The following PCDHGA2 variants were observed in gnomAD, a reference collection of about 807,000 sequenced individuals.
PCDHGA2 encodes protocadherin gamma subfamily A, 2, also known as protocadherin gamma-A2.
PCDHGA2 carries 40 observed loss-of-function variants against 59.2 expected under a neutral mutation model. The observed-to-expected ratio is 0.68, with a 90% CI of 0.52 to 0.88. The LOEUF (loss-of-function observed/expected upper bound fraction) is 0.88, where lower values mean the gene tolerates loss of function less well. PCDHGA2 is among the 40% of genes least tolerant of loss of function. The pLI, the probability that PCDHGA2 is intolerant of heterozygous loss-of-function variation, is 0.00. For missense variants in PCDHGA2, 1,226 were observed against 1,204.0 expected, an observed-to-expected ratio of 1.02 and a Z score of -0.27; for synonymous variants, 560 against 526.0, an observed-to-expected ratio of 1.06 and a Z score of -0.89.
chr5:141,392,463 AT>A (rs770659302), intron 1 of PCDHGA2: 30 of 173,504 alleles, frequency 1.7e-4, no homozygotes, highest in Non-Finnish European at 2.8e-4. Context: ...TTACGGATAA[AT>A]CAAATAAATT....
At chr5:141,372,062 C>G (rs1768364404) in intron 1 of PCDHGA2, 2 of 1,613,470 alleles carry the variant, frequency 1.2e-6, no homozygotes, top group South Asian at 2.2e-5. Flanking sequence ...ACGACCGCAA[C>G]GACAATGCAC....
chr5:141,510,916 G>C (rs1044988697), intron 3 of PCDHGA2, 31 bp from the exon 4 acceptor site: 2 of 1,613,714 alleles, frequency 1.2e-6, no homozygotes, highest in African/African-American at 1.3e-5. Flanking sequence ...CCTAAGTTTA[G>C]CTCCCACCTG....
chr5:141,437,756 T>A (rs1208576922), intron 1 of PCDHGA2, among the ~76,000 whole-genome samples: 1 of 151,718 alleles, frequency 6.6e-6, no homozygotes, highest in Non-Finnish European at 1.5e-5. Flanking sequence ...TTTTTTTTTT[T>A]GAGACAGAGT....
chr5:141,451,330 T>C (rs1335156581), intron 1 of PCDHGA2, among the ~76,000 whole-genome samples: 2 of 152,200 alleles, frequency 1.3e-5, no homozygotes, highest in East Asian at 1.9e-4. Context: ...CCTAAGGCTA[T>C]TGTCTTATCT....
At chr5:141,405,118 G>C (rs368800698) in intron 1 of PCDHGA2, 2 of 1,613,946 alleles carry the variant, frequency 1.2e-6, no homozygotes, top group Non-Finnish European at 8.5e-7. Flanking sequence ...GGCACTCCTC[G>C]CATCTGCTGC....
intron 1 of PCDHGA2, chr5:141,346,450 T>C (rs1757753782): frequency 6.2e-7 from 1 of 1,614,246 alleles, no homozygotes; most frequent in Admixed American, 1.7e-5. Context: ...GATTCCAACC[T>C]ACTTCAGGTG....
At position 141,340,229 on chromosome 5, in the gene PCDHGA2, A is replaced by C. The variant is rs139578724; in HGVS notation, c.1258A>C (p.Ile420Leu). ...LDREQFSFYN[I>L]TLTAKDGGNP... The stretch of plus-strand genomic sequence containing the variant: ...CAGGGAACAGTTTTCCTTTTACAAC[A>C]TCACTCTAACCGCTAAAGATGGAGG... Residue 420 changes from isoleucine (I) to leucine (L), a missense_variant, in exon 1 of 4, where the codon ATC becomes CTC. Coordinates refer to ENST00000394576, the MANE Select transcript of PCDHGA2 (RefSeq NM_018915.4). 1.9e-6 allele frequency: 3 copies of C among 1,614,162 alleles called. No individual in the cohort carries two copies. The highest frequency in any genetic ancestry group is 2.5e-6 in the Non-Finnish European group (3 of 1,180,018).
chr5:141,394,410 A>G, intron 1 of PCDHGA2: 1 of 1,614,210 alleles, frequency 6.2e-7, no homozygotes, highest in Non-Finnish European at 8.5e-7. Context: ...GCTACTGGTA[A>G]CAGCCAGCGA....
At chr5:141,375,564 A>G (rs1771592295) in intron 1 of PCDHGA2, 3 of 1,613,974 alleles carry the variant, frequency 1.9e-6, no homozygotes, top group African/African-American at 1.3e-5. Flanking sequence ...CTGGCAGAAG[A>G]CACCCTCCAG....
intron 1 of PCDHGA2, chr5:141,364,232 G>A: frequency 1.4e-6 from 2 of 1,395,048 alleles, no homozygotes; most frequent in Non-Finnish European, 1.9e-6. Context: ...AACGCTCCAC[G>A]CCCATTTTCG....
chr5:141,403,953 T>C, intron 1 of PCDHGA2: 1 of 1,613,860 alleles, frequency 6.2e-7, no homozygotes, highest in South Asian at 1.1e-5. Flanking sequence ...ACAAAAGTGC[T>C]CATTTCGGTG....
In PCDHGA2 at chr5:141,338,800, T is replaced by G. The variant is rs1588445075; in HGVS notation, c.-172T>G. 6 of 1,341,532 alleles carry G rather than the reference T, an allele frequency of 4.5e-6. No homozygotes were observed. The highest frequency in any genetic ancestry group is 3.5e-5 in the Admixed American group (1 of 28,602). 83.1% of individuals were successfully genotyped at this position (1,341,532 alleles called of 1,614,324 possible). ...CTCCCACAGCACAAGGGGGTGGAGG[T>G]TTGGCCCTAAAGCTTCAGGACACCA... On this transcript the variant is annotated 5_prime_UTR_variant, in exon 1 of 4. Coordinates refer to ENST00000394576, the MANE Select transcript of PCDHGA2 (RefSeq NM_018915.4).
At chr5:141,363,522 T>C (rs1028611491) in intron 1 of PCDHGA2, among the ~76,000 whole-genome samples, 2 of 152,254 alleles carry the variant, frequency 1.3e-5, no homozygotes, top group Non-Finnish European at 2.9e-5. Context: ...GTTACTATAC[T>C]GGTTGTCACT....
intron 1 of PCDHGA2, chr5:141,429,167 T>TAC (rs1357037045): frequency 6.6e-5 from 9 of 136,102 alleles, no homozygotes; most frequent in African/African-American, 8.8e-5. Context: ...AGACATTGTT[T>TAC]ATACACACAC....
chr5:141,342,117 T>A (rs1009896081), intron 1 of PCDHGA2: 2 of 152,202 alleles, frequency 1.3e-5, no homozygotes, highest in African/African-American at 4.8e-5. Context: ...CTCCTTTTTT[T>A]TTATCTTTCT....
intron 1 of PCDHGA2, chr5:141,365,182 A>G: frequency 6.2e-7 from 1 of 1,613,876 alleles, no homozygotes; most frequent in East Asian, 2.2e-5. Context: ...TTCGCAATGA[A>G]GAAGAAAAAA....
intron 1 of PCDHGA2, among the ~76,000 whole-genome samples, chr5:141,467,735 C>T (rs557555571): frequency 3.3e-5 from 5 of 152,182 alleles, no homozygotes; most frequent in East Asian, 3.9e-4. Flanking sequence ...AATCCCAGCT[C>T]GCTGCAACCT....
intron 1 of PCDHGA2, chr5:141,350,603 C>T: frequency 6.2e-7 from 1 of 1,614,000 alleles, no homozygotes; most frequent in Non-Finnish European, 8.5e-7. Flanking sequence ...GAATGTTTTC[C>T]ACGTGGTTGT....
rs746989617 is a variant in PCDHGA2 at position 141,422,853 on chromosome 5, C to G, written c.2425-71954C>G. On this transcript the variant is annotated intron_variant, in intron 1 of 3. Transcript: ENST00000394576. ...TAGCACGTGACAGCGGGGACCCGCC[C>G]CTCAGCAGCAACGTGTCGCTGAGCC... 16 of 1,614,146 alleles carry G rather than the reference C, an allele frequency of 9.9e-6. 1 individual carries two copies. In the South Asian group the frequency reaches 1.6e-4, roughly 17 times the overall value.
Sources: gnomAD v4.1 joint callset for allele counts (sites outside exome capture counted in the v4.1 genomes callset) on GRCh38, gnomAD v4.1.1 for gene constraint, MANE v1.5 for transcripts, NCBI Gene and HGNC (gene_info 2026-07-23, HGNC 2026-07-21) for gene names.